DHRS2: variants seen among roughly 807,000 people sequenced by gnomAD.
DHRS2 encodes the protein dehydrogenase/reductase SDR family member 2, mitochondrial.
DHRS2 carries 29 observed loss-of-function variants against 26.3 expected under a neutral mutation model. The observed-to-expected ratio is 1.10, with a 90% CI of 0.82 to 1.50. DHRS2 has a LOEUF of 1.50. Ranked by LOEUF, DHRS2 falls within the 40% of genes most tolerant of loss-of-function variation. DHRS2 has a pLI of 0.00. For synonymous variants in DHRS2, 164 were observed against 151.3 expected (o/e 1.08, Z -0.62); for missense variants, 439 against 367.1 (o/e 1.20, Z -1.60).
intron 3 of DHRS2, 46 bp from the exon 4 acceptor site, chr14:23,639,748 G>C (rs1453248912): frequency 6.5e-7 from 1 of 1,545,110 alleles, no homozygotes; most frequent in Non-Finnish European, 8.7e-7. Flanking sequence ...GGGAGGGATA[G>C]TCCTCCTCAG....
upstream of DHRS2, among the ~76,000 whole-genome samples, chr14:23,635,772 G>C (rs1272294951): frequency 6.6e-6 from 1 of 152,260 alleles, no homozygotes; most frequent in Non-Finnish European, 1.5e-5. Flanking sequence ...GCCGAAGCCA[G>C]CTCCCTCTGC....
At chr14:23,643,946 G>GA in intron 5 of DHRS2, 165 bp from the exon 6 acceptor site, 1 of 688,560 alleles carries the variant, frequency 1.5e-6, no homozygotes, top group Non-Finnish European at 2.6e-6. Context: ...TGTATTGGCT[G>GA]GTACTAAACC....
Position 23,639,326 on chromosome 14 carries a change from G to C in DHRS2, c.288G>C (p.Lys96Asn), listed in dbSNP as rs888979561. 3 of 1,582,162 alleles carry C rather than the reference G, an allele frequency of 1.9e-6. No individual in the cohort carries two copies. The highest frequency in any genetic ancestry group is 1.3e-5 in the African/African-American group (1 of 74,164). The change falls in exon 3 of 9, where the codon AAG (lysine) becomes AAC (asparagine). Residue 96 changes from lysine (K) to asparagine (N), a missense_variant. Coordinates refer to ENST00000250383, the MANE Select transcript of DHRS2 (RefSeq NM_005794.4). ...CGGGCATTGTGTGCCACGTGGGGAA[G>C]GCTGAGGACCGGGAGCAGCTGGTGG... is the stretch of plus-strand genomic sequence containing the variant. ...SVAGIVCHVG[K>N]AEDREQLVAK...
intron 4 of DHRS2, chr14:23,642,193 G>A (rs1890697557): frequency 2.0e-6 from 2 of 1,014,398 alleles, no homozygotes; most frequent in African/African-American, 3.4e-5. Context: ...AAAGCTCAGA[G>A]CCAAGTCTGC....
intron 3 of DHRS2, 44 bp from the exon 4 acceptor site, chr14:23,639,750 C>G (rs1408297534): frequency 6.5e-7 from 1 of 1,549,738 alleles, no homozygotes; most frequent in African/African-American, 1.4e-5. Flanking sequence ...GAGGGATAGT[C>G]CTCCTCAGGC....
Position 23,638,951 on chromosome 14 carries a change from C to G in DHRS2, c.87C>G (p.Asp29Glu), listed in dbSNP as rs766518719. The G allele has an allele frequency of 5.0e-6, 8 of 1,614,106 alleles. No individual in the cohort carries two copies. In the South Asian group the frequency reaches 6.6e-5, roughly 13 times the overall value. ...TGAGGATGAGCAGCACCGGGATAGA[C>G]AGGAAGGGCGTCCTGGCTAACCGGG... ...LSVRMSSTGIDRKGVLANRVA... is the reference protein window; with the variant it reads ...LSVRMSSTGIERKGVLANRVA... The change falls in exon 2 of 9, where the codon GAC becomes GAG. Residue 29 changes from aspartate (D) to glutamate (E), a missense_variant. Physicochemically the swap from Asp to Glu is conservative, Grantham distance 45. Coordinates refer to ENST00000250383, the MANE Select transcript of DHRS2 (RefSeq NM_005794.4).
chr14:23,639,994 AGGTTAT>A, intron 4 of DHRS2, 99 bp downstream of exon 4: 1 of 1,080,054 alleles, frequency 9.3e-7, no homozygotes, highest in Non-Finnish European at 1.2e-6. Flanking sequence ...TTCCCTCCAG[AGGTTAT>A]GGGAGAAGCA....
intron 5 of DHRS2, chr14:23,643,762 T>A: frequency 2.7e-6 from 1 of 363,850 alleles, no homozygotes; most frequent in Non-Finnish European, 5.2e-6. Flanking sequence ...TTACCCCATC[T>A]GCTCCTTAGA....
chr14:23,645,128 C>A lies in DHRS2; in HGVS notation c.732-14C>A. On this transcript the variant is annotated splice_polypyrimidine_tract_variant and intron_variant, in intron 8 of 8. Coordinates refer to ENST00000250383, the MANE Select transcript of DHRS2 (RefSeq NM_005794.4). ...AGTACAAGATGCTTGACACTGTGTC[C>A]TTCTTCCATCCAGGATTGGGGAGTC... 2 of 1,613,984 alleles carry A rather than the reference C, an allele frequency of 1.2e-6. No individual in the cohort carries two copies. Among genetic ancestry groups the A allele is most frequent in the Non-Finnish European group, 1.7e-6 (2 of 1,179,880 alleles).
intron 1 of DHRS2, among the ~76,000 whole-genome samples, chr14:23,637,477 T>G (rs1890378556): frequency 6.6e-6 from 1 of 152,178 alleles, no homozygotes; most frequent in Admixed American, 6.5e-5. Context: ...CCTATTCATA[T>G]AAGTGAGGAC....
chr14:23,632,024 C>G (rs1360182451), upstream of DHRS2, among the ~76,000 whole-genome samples: 1 of 152,212 alleles, frequency 6.6e-6, no homozygotes, highest in African/African-American at 2.4e-5. Context: ...TTCAGACAAG[C>G]AGGGCTTGGT....
rs143275916 is a variant in DHRS2, at chr14:23,639,261, C to T, written c.223C>T (p.Arg75Trp). The change falls in exon 3 of 9, where the codon CGG becomes TGG. Residue 75 changes from arginine to tryptophan, a missense_variant. By Grantham distance (101) the Arg-to-Trp change is moderately radical. Coordinates refer to ENST00000250383, the MANE Select transcript of DHRS2 (RefSeq NM_005794.4). ...CAGCCGGAAGCAGCAGAACGTGGAC[C>T]GGGCCATGGCCAAGCTGCAGGGGGA... ...ISSRKQQNVD[R>W]AMAKLQGEGL... The T allele has an allele frequency of 1.4e-4, 226 of 1,612,750 alleles. No individual in the cohort carries two copies. Among genetic ancestry groups the T allele is most frequent in the Middle Eastern group, 1.7e-4 (1 of 6,040 alleles).
chr14:23,633,427 T>C (rs1347047604), upstream of DHRS2, among the ~76,000 whole-genome samples: 1 of 152,098 alleles, frequency 6.6e-6, no homozygotes, highest in Non-Finnish European at 1.5e-5. Flanking sequence ...GCATCCCTGC[T>C]CTCTCCCAAA....
chr14:23,632,124 G>A (rs1170590174), upstream of DHRS2, among the ~76,000 whole-genome samples: 2 of 152,214 alleles, frequency 1.3e-5, no homozygotes, highest in African/African-American at 2.4e-5. Flanking sequence ...CTTCCAGCAG[G>A]GGGCGTCCTG....
chr14:23,639,231 A>G lies in DHRS2; in HGVS notation c.193A>G (p.Ile65Val). ...RLARDGAHVV[I>V]SSRKQQNVDR... ...GGCCCGGGACGGGGCCCACGTGGTC[A>G]TCAGCAGCCGGAAGCAGCAGAACGT... The change falls in exon 3 of 9, where the codon ATC (isoleucine) becomes GTC (valine). Residue 65 changes from isoleucine to valine, a missense_variant. Coordinates refer to ENST00000250383, the MANE Select transcript of DHRS2 (RefSeq NM_005794.4). 1.2e-6 allele frequency: 2 copies of G among 1,613,868 alleles called. No individual in the cohort carries two copies. The highest frequency in any genetic ancestry group is 1.1e-5 in the South Asian group (1 of 91,046).
At position 23,639,717 on chromosome 14, in the gene DHRS2, CCTT is replaced by C. The variant is rs1890547649; in HGVS notation, c.319-76_319-74del. On this transcript the variant is annotated intron_variant, in intron 3 of 8. Transcript: ENST00000250383. ...GAGCTCTGCAAGCTTTGCCTGAAGGCCTTATGACCTGGGCTGCCCTGGGAGGGA... is the reference window on the plus strand; with the variant it reads ...GAGCTCTGCAAGCTTTGCCTGAAGGCATGACCTGGGCTGCCCTGGGAGGGA... 7 of 1,437,650 alleles carry C rather than the reference CCTT, an allele frequency of 4.9e-6. No homozygotes were observed. The South Asian group carries it at 8.7e-5, about 18-fold the overall frequency. 89.1% of individuals were successfully genotyped at this position (1,437,650 alleles called of 1,614,324 possible).
At chr14:23,633,241 C>G (rs1236482017), upstream of DHRS2, among the ~76,000 whole-genome samples, 1 of 152,210 alleles carries the variant, frequency 6.6e-6, no homozygotes, top group Non-Finnish European at 1.5e-5. Flanking sequence ...GAAGGGCCTC[C>G]TGAGGGCACA....
rs1375575824 is a variant in DHRS2 at position 23,636,650 on chromosome 14, T to A, written c.-161T>A. 2 of 152,156 alleles carry A rather than the reference T, an allele frequency of 1.3e-5. No individual in the cohort carries two copies. Among genetic ancestry groups the A allele is most frequent in the Non-Finnish European group, 2.9e-5 (2 of 68,056 alleles). 9.4% of individuals were successfully genotyped at this position (152,156 alleles called of 1,614,324 possible). A position where few individuals can be genotyped will look rare whatever the true frequency, so the allele number is the denominator to read the frequency against. On this transcript the variant is annotated 5_prime_UTR_variant, in exon 1 of 9. Transcript: ENST00000250383. Reference sequence around the variant, plus strand: ...CAAGAACCCATCAATTCCGTACACATTTTGGTGACTTTGAAGAGACTGTCA... The same window carrying A: ...CAAGAACCCATCAATTCCGTACACAATTTGGTGACTTTGAAGAGACTGTCA...
upstream of DHRS2, among the ~76,000 whole-genome samples, chr14:23,634,623 G>A (rs765105445): frequency 1.3e-5 from 2 of 152,044 alleles, no homozygotes; most frequent in African/African-American, 2.4e-5. Context: ...TGTGGCTTCA[G>A]CTCATTCATT....
Sources: allele counts gnomAD v4.1 joint callset (sites outside exome capture counted in the v4.1 genomes callset), GRCh38; gene constraint gnomAD v4.1.1; transcripts MANE v1.5; gene names NCBI Gene and HGNC (gene_info 2026-07-23, HGNC 2026-07-21).